The following UTRN variants were observed in gnomAD, a reference collection of about 807,000 sequenced individuals.
UTRN encodes the protein utrophin.
In UTRN, 283 loss-of-function variants were observed where a neutral mutation model predicts 463.9. That is an observed-to-expected ratio of 0.61 (90% CI 0.55 to 0.67). The LOEUF (loss-of-function observed/expected upper bound fraction) is 0.67. UTRN is among the 30% of genes least tolerant of loss of function. The pLI is 0.00. For missense variants in UTRN, 3,922 were observed against 4,084.3 expected, an observed-to-expected ratio of 0.96 and a Z score of 1.08; for synonymous variants, 1,442 against 1,431.5, an observed-to-expected ratio of 1.01 and a Z score of -0.17.
At chr6:144,389,501 A>T (rs949238287) in intron 2 of UTRN, among the ~76,000 whole-genome samples, 8 of 151,864 alleles carry the variant, frequency 5.3e-5, no homozygotes, top group East Asian at 3.9e-4. Flanking sequence ...GCTTAAAAAA[A>T]TTTTTTTTGC....
intron 14 of UTRN, among the ~76,000 whole-genome samples, chr6:144,445,088 C>A (rs544155331): frequency 1.3e-5 from 2 of 152,118 alleles, no homozygotes; most frequent in South Asian, 2.1e-4. Context: ...GGGTGGCTCA[C>A]GCCTGTAATC....
chr6:144,470,126 C>T (rs879991747), intron 23 of UTRN, among the ~76,000 whole-genome samples: 5 of 152,208 alleles, frequency 3.3e-5, no homozygotes, highest in African/African-American at 7.2e-5. Context: ...AGCAACAATC[C>T]GATCTCTCCT....
At chr6:144,768,509 C>T (rs1793605218) in intron 58 of UTRN, among the ~76,000 whole-genome samples, 1 of 151,984 alleles carries the variant, frequency 6.6e-6, no homozygotes, top group Admixed American at 6.6e-5. Context: ...ACAAAAAGAG[C>T]ATGTTTCATT....
At chr6:144,827,480 T>C (rs975506466) in intron 67 of UTRN, 94 bp downstream of exon 67, 3 of 1,600,524 alleles carry the variant, frequency 1.9e-6, no homozygotes, top group African/African-American at 2.7e-5. Context: ...ATAATACTTC[T>C]GTGTTCCGGG....
intron 2 of UTRN, among the ~76,000 whole-genome samples, chr6:144,387,680 A>T (rs886875695): frequency 1.3e-5 from 2 of 152,316 alleles, no homozygotes; most frequent in South Asian, 2.1e-4. Flanking sequence ...GTGCAAATAA[A>T]GCAATGTAAA....
chr6:144,341,634 A>G (rs954130865), intron 2 of UTRN, among the ~76,000 whole-genome samples: 3 of 152,250 alleles, frequency 2.0e-5, no homozygotes, highest in Non-Finnish European at 4.4e-5. Flanking sequence ...TCCTATAAAC[A>G]GTTATGACTA....
chr6:144,690,323 G>T (rs1030230930), intron 52 of UTRN, among the ~76,000 whole-genome samples: 2 of 151,674 alleles, frequency 1.3e-5, no homozygotes, highest in Non-Finnish European at 2.9e-5. Flanking sequence ...AATGAGGGGG[G>T]TGTAGCCAGC....
chr6:144,744,525 C>T (rs1790483438), intron 54 of UTRN, among the ~76,000 whole-genome samples: 1 of 145,504 alleles, frequency 6.9e-6, no homozygotes, highest in African/African-American at 2.6e-5. Context: ...TGTATATGTA[C>T]GTAATATAAT....
intron 60 of UTRN, among the ~76,000 whole-genome samples, chr6:144,777,049 G>A (rs1775385726): frequency 6.6e-6 from 1 of 152,088 alleles, no homozygotes; most frequent in Admixed American, 6.6e-5. Flanking sequence ...CTGTTTATTA[G>A]TTATTGTTTG....
chr6:144,716,601 A>G (rs1562808577), intron 53 of UTRN, among the ~76,000 whole-genome samples: 2 of 152,180 alleles, frequency 1.3e-5, no homozygotes. Context: ...TCCTTTCTTA[A>G]AAGTATAATT....
chr6:144,430,219 T>C (rs917289706), intron 9 of UTRN, among the ~76,000 whole-genome samples: 6 of 152,204 alleles, frequency 3.9e-5, no homozygotes, highest in Non-Finnish European at 7.4e-5. Context: ...GGAGGAGTAA[T>C]GTATGGTAAA....
At chr6:144,696,233 A>G (rs1783994468) in intron 52 of UTRN, among the ~76,000 whole-genome samples, 1 of 152,036 alleles carries the variant, frequency 6.6e-6, no homozygotes, top group South Asian at 2.1e-4. Context: ...TAATAGAGGA[A>G]CTGCTCTCTT....
intron 3 of UTRN, among the ~76,000 whole-genome samples, chr6:144,409,159 T>C (rs550484934): frequency 2.1e-4 from 32 of 152,368 alleles, no homozygotes; most frequent in Admixed American, 1.8e-3. Flanking sequence ...GCTATACTTA[T>C]GCAAGCTTTG....
intron 23 of UTRN, among the ~76,000 whole-genome samples, chr6:144,472,815 T>C (rs1790802992): frequency 1.3e-5 from 2 of 151,630 alleles, no homozygotes; most frequent in East Asian, 3.9e-4. Flanking sequence ...GTCGCCAGGC[T>C]GGAGTGTAGT....
At chr6:144,620,492 A>G (rs1236754892) in intron 51 of UTRN, among the ~76,000 whole-genome samples, 1 of 152,150 alleles carries the variant, frequency 6.6e-6, no homozygotes, top group Non-Finnish European at 1.5e-5. Context: ...CTCTTGAAAA[A>G]TGTATTATTT....
intron 2 of UTRN, among the ~76,000 whole-genome samples, chr6:144,315,653 C>T (rs1465187985): frequency 2.0e-5 from 3 of 152,230 alleles, no homozygotes; most frequent in Non-Finnish European, 2.9e-5. Context: ...CACACTACTT[C>T]GTGGGCTGTG....
intron 2 of UTRN, among the ~76,000 whole-genome samples, chr6:144,377,461 TCAAA>T (rs1780565618): frequency 6.6e-6 from 1 of 152,256 alleles, no homozygotes; most frequent in South Asian, 2.1e-4. Context: ...GTGCCACTTA[TCAAA>T]GTTTGGAGTG....
At chr6:144,532,385 T>C (rs946688041) in intron 42 of UTRN, among the ~76,000 whole-genome samples, 1 of 152,148 alleles carries the variant, frequency 6.6e-6, no homozygotes. Flanking sequence ...CGTCCAGTCA[T>C]GGTGGAAGGG....
At chr6:144,417,461 A>G (rs1784450019) in intron 3 of UTRN, among the ~76,000 whole-genome samples, 2 of 152,210 alleles carry the variant, frequency 1.3e-5, no homozygotes, top group African/African-American at 2.4e-5. Context: ...AAATACTATT[A>G]TAAGGAAATA....
Sources: allele counts gnomAD v4.1 joint callset (sites outside exome capture counted in the v4.1 genomes callset), GRCh38; gene constraint gnomAD v4.1.1; transcripts MANE v1.5; gene names NCBI Gene and HGNC (gene_info 2026-07-23, HGNC 2026-07-21).